The following GLDC variants were observed in gnomAD, a reference collection of about 807,000 sequenced individuals.
GLDC encodes glycine decarboxylase, also known as glycine dehydrogenase (decarboxylating), mitochondrial.
GLDC carries 104 observed loss-of-function variants against 121.3 expected under a neutral mutation model. The observed-to-expected ratio is 0.86, with a 90% confidence interval of 0.73 to 1.01. The LOEUF is 1.01. GLDC is among the 50% of genes least tolerant of loss of function. GLDC has a pLI of 0.00. For synonymous variants in GLDC, 546 were observed against 480.6 expected (o/e 1.14, Z -1.78); for missense variants, 1,429 against 1,306.6 (o/e 1.09, Z -1.44).
At chr9:6,558,171 G>A (rs891629651) in intron 17 of GLDC, 2 of 398,732 alleles carry the variant, frequency 5.0e-6, no homozygotes, top group East Asian at 4.5e-5. Context: ...TGATGGGGCT[G>A]GCACAGTCAT....
intron 21 of GLDC, among the ~76,000 whole-genome samples, chr9:6,543,267 C>G (rs1015513421): frequency 6.6e-6 from 1 of 152,072 alleles, no homozygotes; most frequent in African/African-American, 2.4e-5. Context: ...AAAGCAAGAC[C>G]GTCTCTTAAA....
At chr9:6,554,911 T>C in intron 18 of GLDC, 130 bp from the exon 19 acceptor site, 1 of 736,980 alleles carries the variant, frequency 1.4e-6, no homozygotes, top group African/African-American at 1.7e-5. Flanking sequence ...TCCATGGTGT[T>C]CACAGAAATG....
intron 4 of GLDC, among the ~76,000 whole-genome samples, chr9:6,607,152 T>C (rs1818751981): frequency 6.6e-6 from 1 of 152,238 alleles, no homozygotes; most frequent in African/African-American, 2.4e-5. Context: ...ATTCCCATTC[T>C]AACCCCATTT....
At chr9:6,567,464 T>A (rs6477091) in intron 15 of GLDC, 104,600 of 152,056 alleles carry the variant, frequency 0.69, 37,261 homozygotes, top group African/African-American at 0.85. Flanking sequence ...AGATGTGATG[T>A]GTAGTGAGAT....
intron 15 of GLDC, among the ~76,000 whole-genome samples, chr9:6,582,025 G>A (rs1380102164): frequency 6.6e-6 from 1 of 151,404 alleles, no homozygotes; most frequent in Non-Finnish European, 1.5e-5. Context: ...GACCAGCCTG[G>A]CCAACATAGT....
At chr9:6,550,181 T>G (rs1817482252) in intron 21 of GLDC, among the ~76,000 whole-genome samples, 1 of 152,250 alleles carries the variant, frequency 6.6e-6, no homozygotes, top group African/African-American at 2.4e-5. Context: ...ACTCTACTCT[T>G]TCAAGGCATA....
intron 2 of GLDC, among the ~76,000 whole-genome samples, chr9:6,634,504 A>C (rs910670951): frequency 2.6e-5 from 4 of 151,742 alleles, no homozygotes; most frequent in African/African-American, 9.7e-5. Context: ...ACTTGAGCCT[A>C]GGTGACATAA....
At chr9:6,550,715 T>C in intron 21 of GLDC, 88 bp downstream of exon 21, 1 of 807,702 alleles carries the variant, frequency 1.2e-6, no homozygotes, top group Admixed American at 1.7e-5. Flanking sequence ...TAGAAGTCTC[T>C]TGCCCATGTC....
intron 2 of GLDC, among the ~76,000 whole-genome samples, chr9:6,643,217 A>G (rs189185954): frequency 6.2e-4 from 95 of 152,066 alleles, no homozygotes; most frequent in Non-Finnish European, 1.1e-3. Flanking sequence ...ATTTTCTAAA[A>G]TGGAAATAGA....
At chr9:6,642,691 T>G (rs1352746473) in intron 2 of GLDC, among the ~76,000 whole-genome samples, 3 of 152,166 alleles carry the variant, frequency 2.0e-5, no homozygotes, top group Non-Finnish European at 4.4e-5. Context: ...CTTTGCCATG[T>G]TTCCCAGGCT....
At chr9:6,544,148 G>A (rs1339538481) in intron 21 of GLDC, among the ~76,000 whole-genome samples, 2 of 152,182 alleles carry the variant, frequency 1.3e-5, no homozygotes. Flanking sequence ...TCAATGCTTG[G>A]TCAAGCCTTT....
intron 15 of GLDC, among the ~76,000 whole-genome samples, chr9:6,586,242 C>T (rs111296601): frequency 3.0e-4 from 46 of 152,112 alleles, no homozygotes; most frequent in African/African-American, 1.0e-3. Flanking sequence ...TTGCGGTGAG[C>T]CGAGATCACG....
chr9:6,643,847 A>G (rs969809612), intron 2 of GLDC, among the ~76,000 whole-genome samples: 1 of 151,700 alleles, frequency 6.6e-6, no homozygotes, highest in African/African-American at 2.4e-5. Flanking sequence ...CAGCCTGGCC[A>G]ACATGAAGAA....
At position 6,601,963 on chromosome 9, in the gene GLDC, G is replaced by A. The variant is rs187436914; in HGVS notation, c.1155+146C>T. The A allele has an allele frequency of 1.5e-4, 98 of 659,346 alleles. No individual in the cohort carries two copies. The African/African-American group carries it at 1.5e-3, about 10-fold the overall frequency. The allele number at this position is 659,346 out of a possible 1,614,324, so 40.8% of individuals were successfully genotyped here. On this transcript the variant is annotated intron_variant, in intron 8 of 24. Coordinates refer to ENST00000321612, the MANE Select transcript of GLDC (RefSeq NM_000170.3). Reference sequence around the variant, plus strand: ...TATTTTGGTTCTCATAAGACAATGAGCCTTCTACACCAATAAGATCTTGCC... The same window carrying A: ...TATTTTGGTTCTCATAAGACAATGAACCTTCTACACCAATAAGATCTTGCC...
At chr9:6,558,977 C>T (rs1817690390) in intron 16 of GLDC, among the ~76,000 whole-genome samples, 1 of 152,136 alleles carries the variant, frequency 6.6e-6, no homozygotes, top group South Asian at 2.1e-4. Flanking sequence ...TTATTCTAAC[C>T]TTGTCTCAGT....
intron 22 of GLDC, among the ~76,000 whole-genome samples, chr9:6,538,811 C>G (rs1396595020): frequency 6.6e-6 from 1 of 152,152 alleles, no homozygotes; most frequent in African/African-American, 2.4e-5. Context: ...CGGCCATTAC[C>G]CAATCGCTAG....
intron 2 of GLDC, among the ~76,000 whole-genome samples, chr9:6,644,065 AAAG>A (rs1259324474): frequency 6.6e-6 from 1 of 150,848 alleles, no homozygotes; most frequent in Non-Finnish European, 1.5e-5. Context: ...AAAAAAAAGA[AAAG>A]AAAAGAAAAA....
chr9:6,639,509 G>C (rs532874634), intron 2 of GLDC: 8 of 836,122 alleles, frequency 9.6e-6, no homozygotes, highest in Non-Finnish European at 1.4e-5. Flanking sequence ...ATGTGGCCAA[G>C]GGCAACACCC....
At chr9:6,609,949 C>T (rs1178281467) in intron 4 of GLDC, among the ~76,000 whole-genome samples, 2 of 152,164 alleles carry the variant, frequency 1.3e-5, no homozygotes, top group African/African-American at 4.8e-5. Context: ...CGCCTGCCAA[C>T]CTCAGCCCTC....
Sources: allele counts gnomAD v4.1 joint callset (sites outside exome capture counted in the v4.1 genomes callset), GRCh38; gene constraint gnomAD v4.1.1; transcripts MANE v1.5; gene names NCBI Gene and HGNC (gene_info 2026-07-23, HGNC 2026-07-21).